Variants in MTSS1 observed in about 807,000 individuals in gnomAD.
The protein encoded by MTSS1 is MTSS I-BAR domain containing 1, also known as protein MTSS 1.
A neutral mutation model predicts 79.0 loss-of-function variants in MTSS1; 18 were observed. The ratio of observed to expected loss-of-function variants is 0.23; its 90% CI spans 0.16 to 0.34. The LOEUF is 0.34. MTSS1 is among the 10% of genes least tolerant of loss of function. MTSS1 has a pLI of 1.00. For missense variants in MTSS1, 815 were observed against 986.2 expected, an observed-to-expected ratio of 0.83 and a Z score of 2.33; for synonymous variants, 341 against 368.6, an observed-to-expected ratio of 0.93 and a Z score of 0.86.
chr8:124,558,821 G>A (rs1476638063), intron 10 of MTSS1: 1 of 1,563,146 alleles, frequency 6.4e-7, no homozygotes, highest in Non-Finnish European at 8.6e-7. Flanking sequence ...AGGAGGCCGA[G>A]CTGGACGAGT....
intron 3 of MTSS1, among the ~76,000 whole-genome samples, chr8:124,651,641 T>C (rs1259719523): frequency 6.6e-6 from 1 of 152,130 alleles, no homozygotes; most frequent in Non-Finnish European, 1.5e-5. Context: ...AAGCAGTTAT[T>C]TCGGTTTTCC....
chr8:124,567,963 C>T lies in MTSS1; in HGVS notation c.618+416G>A, dbSNP rs142301743. Reference sequence around the variant, plus strand: ...CATCTCATGGTCACCCCTTAGTACTCGGCTACAACAGTGAGTCTCAAAACC... The same window carrying T: ...CATCTCATGGTCACCCCTTAGTACTTGGCTACAACAGTGAGTCTCAAAACC... On this transcript the variant is annotated intron_variant, in intron 7 of 13. Coordinates refer to ENST00000518547, the MANE Select transcript of MTSS1 (RefSeq NM_014751.6). 880 of 1,361,556 alleles carry T rather than the reference C, an allele frequency of 6.5e-4. 12 individuals are homozygous for T. The highest frequency in any genetic ancestry group is 2.3e-4 in the African/African-American group (16 of 68,302). The allele number at this position is 1,361,556 out of a possible 1,614,324, so 84.3% of individuals were successfully genotyped here. A position where few individuals can be genotyped will look rare whatever the true frequency, so the allele number is the denominator to read the frequency against.
At chr8:124,719,505 T>C (rs938629631) in intron 1 of MTSS1, among the ~76,000 whole-genome samples, 17 of 152,150 alleles carry the variant, frequency 1.1e-4, no homozygotes, top group African/African-American at 3.9e-4. Flanking sequence ...TGAACTCTAA[T>C]TACCTGCCTG....
intron 6 of MTSS1, chr8:124,580,568 G>A (rs577679625): frequency 2.0e-5 from 30 of 1,534,760 alleles, no homozygotes; most frequent in South Asian, 7.1e-5. Flanking sequence ...GTCCACTGGC[G>A]GGGGGGCACA....
At chr8:124,681,935 T>C (rs1826190641) in intron 3 of MTSS1, among the ~76,000 whole-genome samples, 2 of 152,258 alleles carry the variant, frequency 1.3e-5, no homozygotes, top group East Asian at 3.8e-4. Context: ...TGAAGGCTAC[T>C]ATGAACCAGG....
intron 3 of MTSS1, among the ~76,000 whole-genome samples, chr8:124,688,784 G>A (rs1327834287): frequency 6.6e-6 from 1 of 152,124 alleles, no homozygotes; most frequent in Non-Finnish European, 1.5e-5. Context: ...AACTGCTTAG[G>A]TGGTTTTTAA....
chr8:124,553,722 A>G lies in MTSS1; in HGVS notation c.1568-30T>C, dbSNP rs1822978937. 6.4e-7 allele frequency: 1 copy of G among 1,563,856 alleles called. No homozygotes were observed. Among genetic ancestry groups the G allele is most frequent in the African/African-American group, 1.3e-5 (1 of 74,078 alleles). ...TTATAGGATTTGATTAGACATATTC[A>G]AGACAGCAGCTGTGCTTTTTTGATT... is the stretch of plus-strand genomic sequence containing the variant. On this transcript the variant is annotated intron_variant, in intron 13 of 13. Coordinates refer to ENST00000518547, the MANE Select transcript of MTSS1 (RefSeq NM_014751.6). This position sits in a 1 kb window ranked among gnomAD's most constrained non-coding sequence, Gnocchi z 6.0.
chr8:124,622,069 A>G (rs911563518), intron 3 of MTSS1, among the ~76,000 whole-genome samples: 1 of 141,592 alleles, frequency 7.1e-6, no homozygotes. Context: ...AAAGAGAGAG[A>G]GAGAGAGAGA....
chr8:124,659,830 A>T (rs1255754557), intron 3 of MTSS1, among the ~76,000 whole-genome samples: 1 of 152,232 alleles, frequency 6.6e-6, no homozygotes, highest in African/African-American at 2.4e-5. Context: ...AGAAGCAATT[A>T]CTTCAGGCAG....
chr8:124,696,851 CAAAAAAAAAAA>C (rs35766199), intron 3 of MTSS1, among the ~76,000 whole-genome samples: 4 of 129,140 alleles, frequency 3.1e-5, no homozygotes. Flanking sequence ...GAGTCCGTCT[CAAAAAAAAAAA>C]AAGAAAAAAA....
chr8:124,619,910 T>C (rs79835059), intron 3 of MTSS1, among the ~76,000 whole-genome samples: 12,626 of 151,930 alleles, frequency 0.083, 626 homozygotes, highest in South Asian at 0.11. Context: ...GCAATAACAG[T>C]ACAAAAATTA....
intron 3 of MTSS1, among the ~76,000 whole-genome samples, chr8:124,657,606 G>C (rs978067491): frequency 1.3e-5 from 2 of 152,138 alleles, no homozygotes; most frequent in African/African-American, 4.8e-5. Context: ...CTGTGACAGA[G>C]ACGGTTCTGG....
chr8:124,591,059 G>A, intron 4 of MTSS1, 92 bp downstream of exon 4: 1 of 1,044,970 alleles, frequency 9.6e-7, no homozygotes, highest in Non-Finnish European at 1.5e-6. Context: ...GACAGATTGT[G>A]GGGATTTAAA....
chr8:124,617,808 C>G (rs1420219705), intron 3 of MTSS1, among the ~76,000 whole-genome samples: 1 of 152,188 alleles, frequency 6.6e-6, no homozygotes, highest in African/African-American at 2.4e-5. Context: ...TAACCTGGTG[C>G]TAAGCAACGT....
chr8:124,619,828 G>A (rs190406835), intron 3 of MTSS1, among the ~76,000 whole-genome samples: 10 of 152,322 alleles, frequency 6.6e-5, no homozygotes, highest in Non-Finnish European at 1.2e-4. Flanking sequence ...CCAACACATT[G>A]CTGACGCTCT....
chr8:124,693,422 T>A (rs1275244434), intron 3 of MTSS1, among the ~76,000 whole-genome samples: 1 of 152,204 alleles, frequency 6.6e-6, no homozygotes, highest in Admixed American at 6.5e-5. Context: ...CCTTGAAATC[T>A]GTCCCTTAAA....
At chr8:124,610,408 C>T (rs1419865655) in intron 3 of MTSS1, among the ~76,000 whole-genome samples, 1 of 152,194 alleles carries the variant, frequency 6.6e-6, no homozygotes, top group African/African-American at 2.4e-5. Flanking sequence ...GAAAAGCCTT[C>T]GCGGGAACAG....
intron 3 of MTSS1, among the ~76,000 whole-genome samples, chr8:124,616,626 G>C (rs1419317908): frequency 6.6e-6 from 1 of 152,138 alleles, no homozygotes; most frequent in African/African-American, 2.4e-5. Context: ...ACAAAACATA[G>C]GAGAGAAAGG....
intron 3 of MTSS1, among the ~76,000 whole-genome samples, chr8:124,606,746 T>C (rs539708348): frequency 6.6e-6 from 1 of 152,106 alleles, no homozygotes; most frequent in East Asian, 1.9e-4. Flanking sequence ...AACCGTGCTG[T>C]CGCCACTTCC....
Sources: gnomAD v4.1 joint callset for allele counts (sites outside exome capture counted in the v4.1 genomes callset) on GRCh38, gnomAD v4.1.1 for gene constraint, Gnocchi (gnomAD v3.1) non-coding constraint, MANE v1.5 for transcripts, NCBI Gene and HGNC (gene_info 2026-07-23, HGNC 2026-07-21) for gene names.